CCT4: variants seen among roughly 807,000 people sequenced by gnomAD.
CCT4 encodes T-complex protein 1 subunit delta.
Under a neutral mutation model 62.5 loss-of-function variants are expected in CCT4, and 17 were observed. That is an observed-to-expected ratio of 0.27 (90% CI 0.19 to 0.41). The LOEUF is 0.41. Ranked by LOEUF, CCT4 falls within the 10% of genes least tolerant of loss-of-function variation. The probability of loss-of-function intolerance (pLI) is 1.00; values close to 1 mark genes in which losing one functional copy is unlikely to be tolerated. For missense variants in CCT4, 592 were observed against 659.2 expected (o/e 0.90, Z 1.12); for synonymous variants, 250 against 229.9 (o/e 1.09, Z -0.79).
chr2:61,872,021 T>C (rs3828276), intron 12 of CCT4, 61 bp downstream of exon 12: 439,059 of 1,209,406 alleles, frequency 0.36, 84,553 homozygotes, highest in East Asian at 0.69. Flanking sequence ...AACAGATGAC[T>C]ACAAAGCTTT....
chr2:61,882,142 A>C (rs1285129070), intron 3 of CCT4, among the ~76,000 whole-genome samples: 2 of 152,112 alleles, frequency 1.3e-5, no homozygotes, highest in African/African-American at 4.8e-5. Context: ...GATGTTGGCC[A>C]GGCTGGTGTC....
intron 3 of CCT4, among the ~76,000 whole-genome samples, chr2:61,881,342 G>A (rs1372510185): frequency 5.3e-5 from 8 of 150,862 alleles, no homozygotes; most frequent in Non-Finnish European, 1.0e-4. Context: ...TTATCCTGTC[G>A]AACTCCTGAC....
chr2:61,883,416 CAAAAAAAAA>C lies in CCT4; in HGVS notation c.270+34_270+42del. On this transcript the variant is annotated intron_variant, in intron 3 of 13. Transcript: ENST00000394440. ...TGGATGACAGAGCAAGACTCTGTCTCAAAAAAAAAAAAAAAAAAAGACTCACCTAAAATT... is the reference window on the plus strand; with the variant it reads ...TGGATGACAGAGCAAGACTCTGTCTCAAAAAAAAAAGACTCACCTAAAATT... The C allele has an allele frequency of 9.8e-6, 7 of 711,322 alleles. No homozygotes were observed. The South Asian group carries it at 1.1e-4, about 11-fold the overall frequency. The allele number at this position is 711,322 out of a possible 1,614,324, so 44.1% of individuals were successfully genotyped here.
Position 61,868,589 on chromosome 2 carries a change from A to C in CCT4, c.*103T>G. 1.2e-6 allele frequency: 1 copy of C among 868,304 alleles called. No individual in the cohort carries two copies. The highest frequency in any genetic ancestry group is 1.5e-5 in the South Asian group (1 of 65,020). The allele number at this position is 868,304 out of a possible 1,614,324, so 53.8% of individuals were successfully genotyped here. A position where few individuals can be genotyped will look rare whatever the true frequency, so the allele number is the denominator to read the frequency against. ...ATGCCAACTGGAAGACCAAGCCCAGAAATTCAGAGGAAATAATCTTCCAAA... is the reference window on the plus strand; with the variant it reads ...ATGCCAACTGGAAGACCAAGCCCAGCAATTCAGAGGAAATAATCTTCCAAA... On this transcript the variant is annotated 3_prime_UTR_variant, in exon 14 of 14. Transcript: ENST00000394440.
In CCT4 at chr2:61,868,687, C is replaced by T; in HGVS notation, c.*5G>A. On this transcript the variant is annotated 3_prime_UTR_variant, in exon 14 of 14. Coordinates refer to ENST00000394440, the MANE Select transcript of CCT4 (RefSeq NM_006430.4). Reference sequence around the variant, plus strand: ...GATCATAATGGTGCTAGTCAGTTATCCAGATTATCGAGTGTTTACCTGATA... The same window carrying T: ...GATCATAATGGTGCTAGTCAGTTATTCAGATTATCGAGTGTTTACCTGATA... 1 of 1,591,184 alleles carries T rather than the reference C, an allele frequency of 6.3e-7. No homozygotes were observed. Among genetic ancestry groups the T allele is most frequent in the Non-Finnish European group, 8.6e-7 (1 of 1,159,344 alleles).
intron 1 of CCT4, chr2:61,888,115 T>A: frequency 5.1e-6 from 2 of 389,238 alleles, no homozygotes; most frequent in East Asian, 4.0e-5. Context: ...TGCTTTCGGC[T>A]CCAATATGAA....
chr2:61,876,208 G>C lies in CCT4; in HGVS notation c.804C>G (p.Asp268Glu). The C allele has an allele frequency of 6.2e-7, 1 of 1,607,508 alleles. No individual in the cohort carries two copies. Among genetic ancestry groups the C allele is most frequent in the Non-Finnish European group, 8.5e-7 (1 of 1,176,564 alleles). Residue 268 changes from aspartate (D) to glutamate (E), a missense_variant, in exon 8 of 14, where the codon GAC becomes GAG. Around this residue, in one of 3 missense-constraint regions of CCT4, gnomAD observed 522 missense variants for 571.2 expected, o/e 0.91. Transcript: ENST00000394440. ...GCAGCACTCGGTCCATCTGGGCATA[G>C]TCAGAAACCACTATTTGATTATCCA... ...TDMDNQIVVS[D>E]YAQMDRVLRE... is the part of the protein sequence containing the mutation.
chr2:61,888,541 A>T lies in CCT4; in HGVS notation c.-34T>A, dbSNP rs768099756. The stretch of plus-strand genomic sequence containing the variant: ...CCGCTGTGTCTGGGTTGGCTCGGGA[A>T]GGACGGATGGACCCGGATTCTGGCC... On this transcript the variant is annotated 5_prime_UTR_variant, in exon 1 of 14. Coordinates refer to ENST00000394440, the MANE Select transcript of CCT4 (RefSeq NM_006430.4). The T allele has an allele frequency of 6.2e-7, 1 of 1,601,100 alleles. No homozygotes were observed. Among genetic ancestry groups the T allele is most frequent in the East Asian group, 2.2e-5 (1 of 44,626 alleles).
chr2:61,883,609 T>TA (rs1669165290), intron 2 of CCT4, 61 bp from the exon 3 acceptor site: 1 of 821,210 alleles, frequency 1.2e-6, no homozygotes, highest in East Asian at 2.6e-5. Flanking sequence ...TATTAAACTT[T>TA]TACATTTCAA....
At chr2:61,876,821 C>T (rs571407121) in intron 7 of CCT4, 99 bp downstream of exon 7, 2 of 1,034,426 alleles carry the variant, frequency 1.9e-6, no homozygotes, top group African/African-American at 1.6e-5. Flanking sequence ...TTGAGATCTG[C>T]TTTAAATCAC....
rs1668818869 is a variant in CCT4 at position 61,868,381 on chromosome 2, G to A, written c.*311C>T. ...TTAAGGCCAGGGAGCATTTATCAGT[G>A]ATGAGCATATTGGGCCATTTTTTTC... On this transcript the variant is annotated 3_prime_UTR_variant, in exon 14 of 14. Coordinates refer to ENST00000394440, the MANE Select transcript of CCT4 (RefSeq NM_006430.4). 3.1e-6 allele frequency: 1 copy of A among 323,828 alleles called. No individual in the cohort carries two copies. Among genetic ancestry groups the A allele is most frequent in the Non-Finnish European group, 5.7e-6 (1 of 174,192 alleles). 20.1% of individuals were successfully genotyped at this position (323,828 alleles called of 1,614,324 possible).
At chr2:61,886,495 T>C (rs1332801911) in intron 1 of CCT4, among the ~76,000 whole-genome samples, 1 of 152,158 alleles carries the variant, frequency 6.6e-6, no homozygotes, top group African/African-American at 2.4e-5. Context: ...CAGTATGTTA[T>C]AAAACATCTC....
intron 8 of CCT4, among the ~76,000 whole-genome samples, chr2:61,875,694 T>C (rs371909269): frequency 1.7e-4 from 26 of 152,108 alleles, no homozygotes; most frequent in African/African-American, 5.3e-4. Context: ...CTGAAGCCAA[T>C]AATCGAAGAA....
Position 61,869,505 on chromosome 2 carries a change from C to T in CCT4, c.1540G>A (p.Val514Ile), listed in dbSNP as rs770734566. 2.5e-6 allele frequency: 4 copies of T among 1,612,518 alleles called. No homozygotes were observed. In the African/African-American group the frequency reaches 4.0e-5, roughly 16 times the overall value. Residue 514 changes from valine (V) to isoleucine (I), a missense_variant, in exon 13 of 14, where the codon GTA becomes ATA. Val to Ile is a conservative substitution (Grantham distance 29, BLOSUM62 3). Coordinates refer to ENST00000394440, the MANE Select transcript of CCT4 (RefSeq NM_006430.4). ...GCAAGAGTCAGAGCACTGACTGATA[C>T]CAACAGAGGCTGGACAACCAGTTCC... ...LEELVVQPLL[V>I]SVSALTLATE...
chr2:61,878,037 C>A (rs890203508), intron 5 of CCT4, among the ~76,000 whole-genome samples: 1 of 152,282 alleles, frequency 6.6e-6, no homozygotes, highest in Admixed American at 6.5e-5. Flanking sequence ...GAAGTCAGTA[C>A]TGAACAAACA....
Position 61,876,076 on chromosome 2 carries a change from A to C in CCT4, c.917+19T>G. ...CCAAAATTATCATTAAGGGATGAAC[A>C]AAATAAATAGCCCCACACCTTAGAA... On this transcript the variant is annotated intron_variant, in intron 8 of 13. Transcript: ENST00000394440. 6.5e-7 allele frequency: 1 copy of C among 1,545,580 alleles called. No homozygotes were observed. Among genetic ancestry groups the C allele is most frequent in the South Asian group, 1.2e-5 (1 of 84,054 alleles).
intron 12 of CCT4, among the ~76,000 whole-genome samples, chr2:61,870,151 C>T (rs1266686562): frequency 6.6e-6 from 1 of 151,602 alleles, no homozygotes; most frequent in East Asian, 2.0e-4. Context: ...GTGGCATGCA[C>T]CTGTAGTCCC....
chr2:61,880,912 A>G (rs1669097899), intron 3 of CCT4, among the ~76,000 whole-genome samples: 2 of 151,944 alleles, frequency 1.3e-5, no homozygotes, highest in South Asian at 4.2e-4. Flanking sequence ...GTTTTTAGAG[A>G]CGGGGCCCCA....
Position 61,868,697 on chromosome 2 carries a change from G to A in CCT4, c.1615C>T (p.Arg539Ter), listed in dbSNP as rs760885270. The A allele has an allele frequency of 2.9e-5, 46 of 1,591,640 alleles. No homozygotes were observed. The highest frequency in any genetic ancestry group is 5.0e-5 in the Admixed American group (3 of 59,972). ...ILKIDDVVNT[R>*] ...GTGCTAGTCAGTTATCCAGATTATC[G>A]AGTGTTTACCTGATAAGAGAAAAAC... The change falls in exon 14 of 14, where the codon CGA (arginine) becomes TGA (stop). Residue 539 changes from arginine (R) to a stop codon, truncating the protein, a stop_gained. Coordinates refer to ENST00000394440, the MANE Select transcript of CCT4 (RefSeq NM_006430.4). LOFTEE classifies it high-confidence loss of function.
Sources: allele counts gnomAD v4.1 joint callset (sites outside exome capture counted in the v4.1 genomes callset), GRCh38; gene constraint gnomAD v4.1.1; regional missense constraint gnomAD v4.1.1; transcripts MANE v1.5; gene names NCBI Gene and HGNC (gene_info 2026-07-23, HGNC 2026-07-21).